The following PHACTR2 variants were observed in gnomAD, a reference collection of about 807,000 sequenced individuals.
The protein encoded by PHACTR2 is chromosome 6 open reading frame 56.
A neutral mutation model predicts 76.0 loss-of-function variants in PHACTR2; 30 were observed. The observed-to-expected ratio is 0.39, with a 90% CI of 0.30 to 0.54. The LOEUF is 0.54. PHACTR2 is among the 20% of genes least tolerant of loss of function. PHACTR2 has a pLI of 0.61. For synonymous variants in PHACTR2, 292 were observed against 292.5 expected (o/e 1.00, Z 0.02); for missense variants, 696 against 781.1 (o/e 0.89, Z 1.30).
At position 143,653,011 on chromosome 6, in the gene PHACTR2, G is replaced by T. The variant is rs746080913; in HGVS notation, c.13+44689G>T. Among the ~76,000 whole-genome samples, 1 of 152,174 alleles carries T rather than the reference G, an allele frequency of 6.6e-6. No homozygotes were observed. The highest frequency in any genetic ancestry group is 2.4e-5 in the African/African-American group (1 of 41,428). ...AAAAGCACCAGGTGTTCCCAGCAGC[G>T]CTCTCTTTCACCCTTGCAAGCTGCA... On this transcript the variant is annotated intron_variant, in intron 1 of 11. Coordinates refer to the PHACTR2 transcript ENST00000305766. This position sits in a 1 kb window ranked among gnomAD's most constrained non-coding sequence, Gnocchi z 4.9.
chr6:143,672,866 A>C lies in PHACTR2; in HGVS notation c.14-39150A>C, dbSNP rs934354177. ...CAGCCTCCCAAGTAGCTGAGATTAC[A>C]GGAGTGCACCACCACGCCTGGCTAA... On this transcript the variant is annotated intron_variant, in intron 1 of 11. Coordinates refer to the PHACTR2 transcript ENST00000305766. The surrounding 1 kb of genome is among the most constrained non-coding windows in gnomAD (Gnocchi z 5.8). Among the ~76,000 whole-genome samples, 2 of 152,092 alleles carry C rather than the reference A, an allele frequency of 1.3e-5. No homozygotes were observed. The highest frequency in any genetic ancestry group is 2.9e-5 in the Non-Finnish European group (2 of 68,006).
chr6:143,796,379 T>TTTTCTTTCTTTCTTTC (rs147314577), intron 11 of PHACTR2, among the ~76,000 whole-genome samples: 7 of 148,832 alleles, frequency 4.7e-5, no homozygotes, highest in African/African-American at 1.2e-4. Context: ...TTTCTTTTTC[T>TTTTCTTTCTTTCTTTC]TTTCTTTCTT....
intron 1 of PHACTR2, among the ~76,000 whole-genome samples, chr6:143,594,975 G>C (rs1331071448): frequency 1.3e-5 from 2 of 152,196 alleles, no homozygotes; most frequent in Admixed American, 1.3e-4. Flanking sequence ...AAACACATCA[G>C]CTGAAGGAAG....
chr6:143,735,537 G>A (rs1358249251), intron 2 of PHACTR2, among the ~76,000 whole-genome samples: 3 of 151,964 alleles, frequency 2.0e-5, no homozygotes, highest in Non-Finnish European at 2.9e-5. Context: ...CAGACCTCCC[G>A]AACTTTTTCA....
rs150670391 is a variant in PHACTR2 at position 143,598,923 on chromosome 6, G to A, written c.217+61716G>A. ...TCTGTTATCTGTTCCAGGTTTAGTG[G>A]CGTGAATAGTAAACATAGTAGATTA... On this transcript the variant is annotated intron_variant, in intron 1 of 11. Coordinates refer to the PHACTR2 transcript ENST00000367584. The surrounding 1 kb of genome is among the most constrained non-coding windows in gnomAD (Gnocchi z 4.1). 3.4e-3 allele frequency among the ~76,000 whole-genome samples: 523 copies of A among 152,302 alleles called. 3 individuals are homozygous for A. Among genetic ancestry groups the A allele is most frequent in the African/African-American group, 0.012 (483 of 41,566 alleles).
chr6:143,640,464 G>A (rs1249365989), intron 1 of PHACTR2, among the ~76,000 whole-genome samples: 1 of 152,160 alleles, frequency 6.6e-6, no homozygotes, highest in African/African-American at 2.4e-5. Context: ...TTGCTATCTA[G>A]CTAGATGCGT....
chr6:143,750,545 G>C lies in PHACTR2; in HGVS notation c.295+1480G>C, dbSNP rs937835218. Among the ~76,000 whole-genome samples the C allele has an allele frequency of 6.6e-6, 1 of 152,192 alleles. No homozygotes were observed. The highest frequency in any genetic ancestry group is 1.5e-5 in the Non-Finnish European group (1 of 68,030). On this transcript the variant is annotated intron_variant, in intron 3 of 12. Coordinates refer to ENST00000440869, the MANE Select transcript of PHACTR2 (RefSeq NM_001100164.2). This position sits in a 1 kb window ranked among gnomAD's most constrained non-coding sequence, Gnocchi z 4.6. ...GTACAAAATGGAAAATTTTATGATT[G>C]AAACTGTTAATGGGTTTAAATGTGA...
chr6:143,760,520 G>A lies in PHACTR2; in HGVS notation c.574G>A (p.Ala192Thr). Reference sequence around the variant, plus strand: ...ACCTGTGCCTCCGAAAGGGGCCACTGCTGGGGCCAGCCACAAAGGTGATGA... The same window carrying A: ...ACCTGTGCCTCCGAAAGGGGCCACTACTGGGGCCAGCCACAAAGGTGATGA... Reference protein sequence around the residue: ...KSPVPPKGATAGASHKGDEVP... With the variant: ...KSPVPPKGATTGASHKGDEVP... Residue 192 changes from alanine (A) to threonine (T), a missense_variant, in exon 5 of 13, where the codon GCT (alanine) becomes ACT (threonine). Coordinates refer to ENST00000440869, the MANE Select transcript of PHACTR2 (RefSeq NM_001100164.2). This position sits in a 1 kb window ranked among gnomAD's most constrained non-coding sequence, Gnocchi z 6.4. The A allele has an allele frequency of 6.2e-7, 1 of 1,613,930 alleles. No individual in the cohort carries two copies. The highest frequency in any genetic ancestry group is 8.5e-7 in the Non-Finnish European group (1 of 1,179,880).
At position 143,755,341 on chromosome 6, in the gene PHACTR2, GGC is replaced by G; in HGVS notation, c.454+1430_454+1431del. Reference sequence around the variant, plus strand: ...TCAAATCCATCTGTGGTTTGTCCCTGGCAGCCTTCTCACATCCAAGAATCGCA... The same window carrying G: ...TCAAATCCATCTGTGGTTTGTCCCTGAGCCTTCTCACATCCAAGAATCGCA... On this transcript the variant is annotated intron_variant, in intron 4 of 12. Transcript: ENST00000440869. The surrounding 1 kb of genome is among the most constrained non-coding windows in gnomAD (Gnocchi z 5.2). 1 of 455,992 alleles carries G rather than the reference GGC, an allele frequency of 2.2e-6. No individual in the cohort carries two copies. Among genetic ancestry groups the G allele is most frequent in the South Asian group, 1.5e-5 (1 of 64,554 alleles). The allele number at this position is 455,992 out of a possible 1,614,324, so 28.2% of individuals were successfully genotyped here. A position where few individuals can be genotyped will look rare whatever the true frequency, so the allele number is the denominator to read the frequency against.
rs571526929 is a variant in PHACTR2 at position 143,750,630 on chromosome 6, C to G, written c.295+1565C>G. Among the ~76,000 whole-genome samples the G allele has an allele frequency of 6.6e-6, 1 of 152,256 alleles. No homozygotes were observed. Among genetic ancestry groups the G allele is most frequent in the South Asian group, 2.1e-4 (1 of 4,820 alleles). On this transcript the variant is annotated intron_variant, in intron 3 of 12. Transcript: ENST00000440869. This position sits in a 1 kb window ranked among gnomAD's most constrained non-coding sequence, Gnocchi z 4.6. ...TTTGTAGGTAGAAAAAGAATTTGCTCTGTCTGAAAACCAAGTAGCAATAGT... is the reference window on the plus strand; with the variant it reads ...TTTGTAGGTAGAAAAAGAATTTGCTGTGTCTGAAAACCAAGTAGCAATAGT...
intron 6 of PHACTR2, among the ~76,000 whole-genome samples, chr6:143,771,192 GTGTATATATATATA>G (rs1775116156): frequency 6.0e-5 from 1 of 16,630 alleles, no homozygotes; most frequent in African/African-American, 3.4e-4. Context: ...ATATATATGT[GTGTATATATATATA>G]TATATATATA....
rs979884764 is a variant in PHACTR2 at position 143,678,631 on chromosome 6, T to A, written c.46+422T>A. Among the ~76,000 whole-genome samples, 1 of 152,178 alleles carries A rather than the reference T, an allele frequency of 6.6e-6. No homozygotes were observed. The highest frequency in any genetic ancestry group is 2.4e-5 in the African/African-American group (1 of 41,438). ...AATGCTTTCAAGCTTGTCAACTGAT[T>A]TATGGTTTGTTATTCGGAGTAGAAG... On this transcript the variant is annotated intron_variant, in intron 1 of 12. Transcript: ENST00000440869. The surrounding 1 kb of genome is among the most constrained non-coding windows in gnomAD (Gnocchi z 6.2).
At chr6:143,771,295 G>T (rs1221140214) in intron 6 of PHACTR2, among the ~76,000 whole-genome samples, 1 of 141,614 alleles carries the variant, frequency 7.1e-6, no homozygotes, top group Non-Finnish European at 1.5e-5. Context: ...GAGTACAGTG[G>T]TGCTAGCATG....
At chr6:143,694,493 A>T (rs1777725387) in intron 1 of PHACTR2, among the ~76,000 whole-genome samples, 1 of 152,128 alleles carries the variant, frequency 6.6e-6, no homozygotes. Context: ...CTGAATGTGA[A>T]GCCCTGTATT....
rs2128457292 is a variant in PHACTR2 at position 143,696,302 on chromosome 6, T to C, written c.47-15714T>C. 6.6e-6 allele frequency among the ~76,000 whole-genome samples: 1 copy of C among 152,336 alleles called. No individual in the cohort carries two copies. The highest frequency in any genetic ancestry group is 6.5e-5 in the Admixed American group (1 of 15,298). On this transcript the variant is annotated intron_variant, in intron 1 of 12. Transcript: ENST00000440869. The surrounding 1 kb of genome is among the most constrained non-coding windows in gnomAD (Gnocchi z 4.1). ...TGCAGGTAACTGTTTTGGGTGGGTA[T>C]ACAGGAGTTTATTTATTTCAGGGGG...
intron 1 of PHACTR2, among the ~76,000 whole-genome samples, chr6:143,552,725 G>C (rs1304691395): frequency 6.6e-6 from 1 of 151,960 alleles, no homozygotes; most frequent in Non-Finnish European, 1.5e-5. Flanking sequence ...CCAACATGGT[G>C]AAACCCTGTC....
At chr6:143,545,565 C>G (rs543872771) in intron 1 of PHACTR2, among the ~76,000 whole-genome samples, 1 of 152,314 alleles carries the variant, frequency 6.6e-6, no homozygotes, top group East Asian at 1.9e-4. Flanking sequence ...GTATCAGCTC[C>G]TTTTTTCAGG....
chr6:143,608,772 G>A lies in PHACTR2; in HGVS notation c.13+450G>A, dbSNP rs1364260609. Among the ~76,000 whole-genome samples, 6 of 152,230 alleles carry A rather than the reference G, an allele frequency of 3.9e-5. No individual in the cohort carries two copies. The East Asian group carries it at 1.2e-3, about 29-fold the overall frequency. On this transcript the variant is annotated intron_variant, in intron 1 of 11. Coordinates refer to the PHACTR2 transcript ENST00000305766. The surrounding 1 kb of genome is among the most constrained non-coding windows in gnomAD (Gnocchi z 4.6). ...TTTGGTCTGATGCTTTCATCTTCAC[G>A]TTAGGATGCAATGTCGAAAATGTTT...
In PHACTR2 at chr6:143,558,464, G is replaced by A. The variant is rs1415254264; in HGVS notation, c.217+21257G>A. 6.6e-6 allele frequency among the ~76,000 whole-genome samples: 1 copy of A among 152,074 alleles called. No individual in the cohort carries two copies. Among genetic ancestry groups the A allele is most frequent in the Non-Finnish European group, 1.5e-5 (1 of 68,020 alleles). On this transcript the variant is annotated intron_variant, in intron 1 of 11. Transcript: ENST00000367584. The surrounding 1 kb of genome is among the most constrained non-coding windows in gnomAD (Gnocchi z 4.7). ...AAATATTAAATTTCTAAATTCATAT[G>A]TAGTAAAACTACTAGGTTTTAAAAA...
Sources: allele counts gnomAD v4.1 joint callset (sites outside exome capture counted in the v4.1 genomes callset), GRCh38; gene constraint gnomAD v4.1.1; non-coding constraint Gnocchi (gnomAD v3.1); transcripts MANE v1.5; gene names NCBI Gene and HGNC (gene_info 2026-07-23, HGNC 2026-07-21).